The following PXDNL variants were observed in gnomAD, a reference collection of about 807,000 sequenced individuals.
PXDNL encodes the protein peroxidasin like, also known as probable oxidoreductase PXDNL.
In PXDNL, 145 loss-of-function variants were observed where a neutral mutation model predicts 150.8. The observed-to-expected ratio is 0.96, with a 90% CI of 0.84 to 1.10. The LOEUF is 1.10. Ranked by LOEUF, PXDNL falls within the 50% of genes least tolerant of loss-of-function variation. The pLI is 0.00. For missense variants in PXDNL, 2,087 were observed against 1,873.9 expected, an observed-to-expected ratio of 1.11 and a Z score of -2.10; for synonymous variants, 757 against 725.7, an observed-to-expected ratio of 1.04 and a Z score of -0.69.
chr8:51,381,225 C>T lies in PXDNL; in HGVS notation c.3558-6494G>A, dbSNP rs550332968. Among the ~76,000 whole-genome samples, 12 of 152,252 alleles carry T rather than the reference C, an allele frequency of 7.9e-5. No homozygotes were observed. In the South Asian group the frequency reaches 1.7e-3, roughly 21 times the overall value. ...GAACCACCCAAATTACATTTATAAA[C>T]GGAACACTAGGTTTGATTGAAGAGC... On this transcript the variant is annotated intron_variant, in intron 17 of 22. Coordinates refer to ENST00000356297, the MANE Select transcript of PXDNL (RefSeq NM_144651.5).
chr8:51,704,293 T>C (rs1362992285), intron 1 of PXDNL, among the ~76,000 whole-genome samples: 1 of 152,228 alleles, frequency 6.6e-6, no homozygotes, highest in Non-Finnish European at 1.5e-5. Flanking sequence ...TCAGGAGTCA[T>C]TTATGTGGAT....
At chr8:51,722,978 C>T (rs1019059468) in intron 1 of PXDNL, among the ~76,000 whole-genome samples, 1 of 151,940 alleles carries the variant, frequency 6.6e-6, no homozygotes, top group Non-Finnish European at 1.5e-5. Context: ...CTAGGGTTGG[C>T]ACTCAAGGGG....
At chr8:51,788,119 T>C (rs1187747988) in intron 1 of PXDNL, among the ~76,000 whole-genome samples, 2 of 152,250 alleles carry the variant, frequency 1.3e-5, no homozygotes, top group African/African-American at 4.8e-5. Context: ...ACATAACTTT[T>C]ATATATCCTG....
chr8:51,439,630 G>A (rs1307986850), intron 12 of PXDNL, among the ~76,000 whole-genome samples: 1 of 151,966 alleles, frequency 6.6e-6, no homozygotes, highest in Admixed American at 6.6e-5. Context: ...TTCAAGACCA[G>A]CCTGGCCAAC....
At chr8:51,605,078 C>T (rs540646524) in intron 2 of PXDNL, among the ~76,000 whole-genome samples, 10 of 152,066 alleles carry the variant, frequency 6.6e-5, no homozygotes, top group Admixed American at 3.9e-4. Context: ...ATAAATTGCC[C>T]GCGATCAGCA....
At position 51,348,054 on chromosome 8, in the gene PXDNL, C is replaced by G. The variant is rs556275616; in HGVS notation, c.3902-2107G>C. Among the ~76,000 whole-genome samples the G allele has an allele frequency of 4.5e-4, 68 of 152,202 alleles. 3 individuals carry two copies. The South Asian group carries it at 0.014, about 31-fold the overall frequency. On this transcript the variant is annotated intron_variant, in intron 19 of 22. Coordinates refer to ENST00000356297, the MANE Select transcript of PXDNL (RefSeq NM_144651.5). Reference sequence around the variant, plus strand: ...GATCTTACTGAATTAAGGTATTAGGCTAGGCACTGTAGAGAAAATAAAAGT... The same window carrying G: ...GATCTTACTGAATTAAGGTATTAGGGTAGGCACTGTAGAGAAAATAAAAGT...
At chr8:51,350,544 G>A (rs113924692) in intron 19 of PXDNL, among the ~76,000 whole-genome samples, 2,755 of 151,780 alleles carry the variant, frequency 0.018, 72 homozygotes, top group African/African-American at 0.06. Context: ...TAGTAGAGAC[G>A]GGGTTTCACT....
At chr8:51,482,736 A>G (rs1810631593) in intron 6 of PXDNL, among the ~76,000 whole-genome samples, 1 of 152,184 alleles carries the variant, frequency 6.6e-6, no homozygotes, top group South Asian at 2.1e-4. Flanking sequence ...GCCTGCCACC[A>G]TGTAAGACAT....
chr8:51,749,882 G>A (rs1383184832), intron 1 of PXDNL, among the ~76,000 whole-genome samples: 1 of 151,942 alleles, frequency 6.6e-6, no homozygotes, highest in East Asian at 1.9e-4. Flanking sequence ...TGTATTTTTA[G>A]TAGAGACGGG....
chr8:51,633,188 A>C (rs1461292045), intron 2 of PXDNL, among the ~76,000 whole-genome samples: 2 of 152,194 alleles, frequency 1.3e-5, no homozygotes, highest in Non-Finnish European at 2.9e-5. Context: ...GCTTAGGATA[A>C]TGAGCTCCAG....
intron 7 of PXDNL, 104 bp from the exon 8 acceptor site, chr8:51,472,408 A>C (rs1461508867): frequency 1.0e-5 from 8 of 783,280 alleles, no homozygotes; most frequent in Non-Finnish European, 1.7e-5. Flanking sequence ...TTCTACATTA[A>C]AGTTTTACAC....
At chr8:51,528,196 GAGA>G (rs1811807439) in intron 4 of PXDNL, among the ~76,000 whole-genome samples, 1 of 152,174 alleles carries the variant, frequency 6.6e-6, no homozygotes, top group Non-Finnish European at 1.5e-5. Context: ...CCTGGCAGCT[GAGA>G]AGGTGACTCA....
At chr8:51,330,580 G>A (rs918228064) in intron 21 of PXDNL, among the ~76,000 whole-genome samples, 1 of 151,834 alleles carries the variant, frequency 6.6e-6, no homozygotes, top group African/African-American at 2.4e-5. Context: ...AAATCAAGGT[G>A]CCAGCAGGGT....
At chr8:51,336,924 AC>A (rs1275088577) in intron 21 of PXDNL, among the ~76,000 whole-genome samples, 1 of 152,134 alleles carries the variant, frequency 6.6e-6, no homozygotes, top group Non-Finnish European at 1.5e-5. Context: ...CCTGTCACAC[AC>A]CTTAGATTAT....
intron 12 of PXDNL, chr8:51,436,010 A>C: frequency 1.9e-6 from 1 of 528,942 alleles, no homozygotes; most frequent in Non-Finnish European, 3.9e-6. Context: ...AATTCACCTC[A>C]TGGACCATCT....
chr8:51,432,773 G>A (rs1462347629), intron 12 of PXDNL, among the ~76,000 whole-genome samples: 3 of 152,098 alleles, frequency 2.0e-5, no homozygotes, highest in African/African-American at 7.2e-5. Context: ...TTGTGTTTGA[G>A]GATAATCCTA....
At chr8:51,405,225 C>T (rs1164352856) in intron 17 of PXDNL, among the ~76,000 whole-genome samples, 1 of 152,194 alleles carries the variant, frequency 6.6e-6, no homozygotes, top group Non-Finnish European at 1.5e-5. Flanking sequence ...AAGGGGCTCC[C>T]ACAGTGCAAC....
chr8:51,472,778 T>C (rs150161859), intron 7 of PXDNL, among the ~76,000 whole-genome samples: 1 of 152,340 alleles, frequency 6.6e-6, no homozygotes, highest in African/African-American at 2.4e-5. Flanking sequence ...TATAAATGAA[T>C]GATTCCATCT....
chr8:51,654,123 T>C (rs1815100925), intron 2 of PXDNL, among the ~76,000 whole-genome samples: 1 of 152,188 alleles, frequency 6.6e-6, no homozygotes, highest in African/African-American at 2.4e-5. Flanking sequence ...TAGCCCACAA[T>C]AGATAATAGA....
Sources: gnomAD v4.1 joint callset for allele counts (sites outside exome capture counted in the v4.1 genomes callset) on GRCh38, gnomAD v4.1.1 for gene constraint, MANE v1.5 for transcripts, NCBI Gene and HGNC (gene_info 2026-07-23, HGNC 2026-07-21) for gene names.